The following ADAM12 variants were observed in gnomAD, a reference collection of about 807,000 sequenced individuals.
ADAM12 encodes the protein ADAM metallopeptidase domain 12.
ADAM12 carries 70 observed loss-of-function variants against 106.4 expected under a neutral mutation model. The ratio of observed to expected loss-of-function variants is 0.66; its 90% CI spans 0.54 to 0.80. ADAM12 has a LOEUF of 0.80. ADAM12 is among the 30% of genes least tolerant of loss of function. The pLI, the probability that ADAM12 is intolerant of heterozygous loss-of-function variation, is 0.00. For synonymous variants in ADAM12, 420 were observed against 433.5 expected (o/e 0.97, Z 0.39); for missense variants, 1,010 against 1,171.9 (o/e 0.86, Z 2.02).
intron 5 of ADAM12, among the ~76,000 whole-genome samples, chr10:126,127,335 T>C (rs1956222444): frequency 6.6e-6 from 1 of 152,238 alleles, no homozygotes; most frequent in Non-Finnish European, 1.5e-5. Flanking sequence ...CGCCATTCCA[T>C]GCCAATTTCC....
intron 16 of ADAM12, among the ~76,000 whole-genome samples, chr10:126,046,801 CAAAAAAAAAAA>C (rs60056450): frequency 6.0e-5 from 3 of 49,910 alleles, no homozygotes; most frequent in East Asian, 1.0e-3. Context: ...GATTCCGTCT[CAAAAAAAAAAA>C]AAAAAAAAAA....
chr10:126,360,818 A>C (rs1303130965), intron 1 of ADAM12, among the ~76,000 whole-genome samples: 1 of 152,168 alleles, frequency 6.6e-6, no homozygotes, highest in Non-Finnish European at 1.5e-5. Flanking sequence ...GTACCAATTT[A>C]CTGTATTAGT....
intron 3 of ADAM12, among the ~76,000 whole-genome samples, chr10:126,241,855 G>A (rs1005211760): frequency 6.6e-6 from 1 of 152,080 alleles, no homozygotes; most frequent in African/African-American, 2.4e-5. Context: ...GGTCTTGACA[G>A]TATATTTTAT....
chr10:126,249,153 C>T (rs1208608897), intron 3 of ADAM12, among the ~76,000 whole-genome samples: 2 of 152,154 alleles, frequency 1.3e-5, no homozygotes, highest in African/African-American at 2.4e-5. Flanking sequence ...AGTCTTGCCT[C>T]CTCTAGGCTA....
At position 126,012,477 on chromosome 10, in the gene ADAM12, C is replaced by T. The variant is rs1263310284; in HGVS notation, c.*4802G>A. 3 of 152,128 alleles carry T rather than the reference C, an allele frequency of 2.0e-5. No homozygotes were observed. In the East Asian group the frequency reaches 5.8e-4, roughly 29 times the overall value. 9.4% of individuals were successfully genotyped at this position (152,128 alleles called of 1,614,324 possible). On this transcript the variant is annotated 3_prime_UTR_variant, in exon 23 of 23. Transcript: ENST00000448723. ...GCAGTTTGTGTTTACCTGTCGAACC[C>T]CAATATGAGAAATGTGTACAAAAGC...
At chr10:126,093,209 C>A (rs1295122173) in intron 11 of ADAM12, among the ~76,000 whole-genome samples, 2 of 152,170 alleles carry the variant, frequency 1.3e-5, no homozygotes, top group African/African-American at 4.8e-5. Flanking sequence ...TAATGAGAAT[C>A]TTCTTAAACT....
At chr10:126,265,060 A>G (rs958331126) in intron 3 of ADAM12, among the ~76,000 whole-genome samples, 1 of 152,208 alleles carries the variant, frequency 6.6e-6, no homozygotes, top group African/African-American at 2.4e-5. Flanking sequence ...AGAAGTGTTT[A>G]CAGAGTATAA....
At chr10:126,163,554 T>C (rs1956973632) in intron 3 of ADAM12, among the ~76,000 whole-genome samples, 1 of 152,208 alleles carries the variant, frequency 6.6e-6, no homozygotes, top group Non-Finnish European at 1.5e-5. Flanking sequence ...TTCAGATCAA[T>C]ATTGAAATTA....
intron 1 of ADAM12, among the ~76,000 whole-genome samples, chr10:126,354,003 T>C (rs1451762816): frequency 6.6e-6 from 1 of 151,964 alleles, no homozygotes; most frequent in Non-Finnish European, 1.5e-5. Context: ...TGAGATGCCA[T>C]ATTTGAAATG....
chr10:126,155,351 A>AC lies in ADAM12; in HGVS notation c.261-47_261-46insG. The stretch of plus-strand genomic sequence containing the variant: ...CATAAAAAGATGAGTGCAGAATTGC[A>AC]TTGATACATTGTTGTGAATGTCTAG... On this transcript the variant is annotated intron_variant, in intron 3 of 22. Transcript: ENST00000448723. 2.6e-6 allele frequency: 4 copies of AC among 1,545,176 alleles called. 1 individual carries two copies. The South Asian group carries it at 4.5e-5, about 17-fold the overall frequency.
chr10:126,049,990 G>GGCTA lies in ADAM12; in HGVS notation c.1610-322_1610-321insTAGC, dbSNP rs1320213013. ...ATCTGATCCAGGGCAGAAAGGAGGT[G>GGCTA]GCTGGCTGGCTGGCTGGCTGGCTGG... On this transcript the variant is annotated intron_variant, in intron 14 of 22. Transcript: ENST00000448723. The surrounding 1 kb of genome is among the most constrained non-coding windows in gnomAD (Gnocchi z 4.4). 1.7e-4 allele frequency among the ~76,000 whole-genome samples: 3 copies of GGCTA among 17,488 alleles called. No individual in the cohort carries two copies. In the African/African-American group the frequency reaches 1.9e-3, roughly 11 times the overall value. 11.5% of individuals were successfully genotyped at this position (17,488 alleles called of 152,430 possible).
chr10:126,201,037 C>A (rs1957690385), intron 3 of ADAM12, among the ~76,000 whole-genome samples: 1 of 152,096 alleles, frequency 6.6e-6, no homozygotes, highest in African/African-American at 2.4e-5. Context: ...GTTGTCCAGG[C>A]TGGAAAAGAG....
At chr10:126,118,345 C>T (rs1956025976) in intron 5 of ADAM12, 121 bp from the exon 6 acceptor site, 1 of 719,682 alleles carries the variant, frequency 1.4e-6, no homozygotes, top group Non-Finnish European at 2.2e-6. Flanking sequence ...CTTATATTCT[C>T]AGATTTTGAT....
At chr10:126,125,962 G>A (rs1291602324) in intron 5 of ADAM12, among the ~76,000 whole-genome samples, 1 of 152,004 alleles carries the variant, frequency 6.6e-6, no homozygotes, top group African/African-American at 2.4e-5. Flanking sequence ...GGAGGGAGAT[G>A]TGGGAGGGAT....
chr10:126,241,408 G>A (rs115254243), intron 3 of ADAM12, among the ~76,000 whole-genome samples: 2,294 of 152,248 alleles, frequency 0.015, 66 homozygotes, highest in African/African-American at 0.052. Context: ...TAGAAGAATC[G>A]TAACCAGAAA....
At chr10:126,301,212 G>C (rs1334723723) in intron 2 of ADAM12, among the ~76,000 whole-genome samples, 1 of 152,156 alleles carries the variant, frequency 6.6e-6, no homozygotes, top group South Asian at 2.1e-4. Flanking sequence ...AGAAACCCTG[G>C]TTTAAATTTT....
At chr10:126,318,125 T>C (rs1328857394) in intron 2 of ADAM12, among the ~76,000 whole-genome samples, 1 of 152,006 alleles carries the variant, frequency 6.6e-6, no homozygotes, top group Non-Finnish European at 1.5e-5. Context: ...ATGGCTGACT[T>C]TAGGACAGGT....
chr10:126,288,803 C>T (rs902788021), intron 2 of ADAM12, among the ~76,000 whole-genome samples: 1 of 149,560 alleles, frequency 6.7e-6, no homozygotes, highest in Non-Finnish European at 1.5e-5. Flanking sequence ...AAGGACCTGA[C>T]CACATGGTGA....
chr10:126,231,752 C>G lies in ADAM12; in HGVS notation c.260+47163G>C, dbSNP rs1327793152. ...TGAACTGCCTCCTGCCTCGGGGCGGCTGCTCTCTGTTGGCGCCTCCTCCTC... is the reference window on the plus strand; with the variant it reads ...TGAACTGCCTCCTGCCTCGGGGCGGGTGCTCTCTGTTGGCGCCTCCTCCTC... On this transcript the variant is annotated intron_variant, in intron 3 of 22. Transcript: ENST00000448723. Among the ~76,000 whole-genome samples the G allele has an allele frequency of 2.0e-5, 3 of 152,228 alleles. No homozygotes were observed. The East Asian group carries it at 5.8e-4, about 29-fold the overall frequency.
Sources: allele counts gnomAD v4.1 joint callset (sites outside exome capture counted in the v4.1 genomes callset), GRCh38; gene constraint gnomAD v4.1.1; non-coding constraint Gnocchi (gnomAD v3.1); transcripts MANE v1.5; gene names NCBI Gene and HGNC (gene_info 2026-07-23, HGNC 2026-07-21).